CACNA1C: variants seen among roughly 807,000 people sequenced by gnomAD.
CACNA1C encodes calcium voltage-gated channel subunit alpha1 C, also known as voltage-dependent L-type calcium channel subunit alpha-1C.
In CACNA1C, 30 loss-of-function variants were observed where a neutral mutation model predicts 229.0. That is an observed-to-expected ratio of 0.13 (90% confidence interval 0.10 to 0.18). CACNA1C has a LOEUF of 0.18. Among genes scored for constraint, CACNA1C ranks in the 10% least tolerant of loss-of-function variants. The pLI, the probability that CACNA1C is intolerant of heterozygous loss-of-function variation, is 1.00. For missense variants in CACNA1C, 1,658 were observed against 2,845.0 expected (o/e 0.58, Z 9.49); for synonymous variants, 1,114 against 1,132.5 (o/e 0.98, Z 0.33).
In CACNA1C at chr12:2,597,371, A is replaced by T. The variant is rs2068857767; in HGVS notation, c.2853+82A>T. 6.7e-7 allele frequency: 1 copy of T among 1,499,588 alleles called. No individual in the cohort carries two copies. The allele number at this position is 1,499,588 out of a possible 1,614,324, so 92.9% of individuals were successfully genotyped here. A position where few individuals can be genotyped will look rare whatever the true frequency, so the allele number is the denominator to read the frequency against. The stretch of plus-strand genomic sequence containing the variant: ...CTGCCGCTGTCTGTCGCTAACACAC[A>T]TGCTCCTTCCTGTTGGTGTGGGGTT... On this transcript the variant is annotated intron_variant, in intron 21 of 46. Transcript: ENST00000399655. This position sits in a 1 kb window ranked among gnomAD's most constrained non-coding sequence, Gnocchi z 4.3.
intron 1 of CACNA1C, among the ~76,000 whole-genome samples, chr12:2,039,488 T>C (rs553998761): frequency 6.6e-6 from 1 of 152,352 alleles, no homozygotes; most frequent in African/African-American, 2.4e-5. Context: ...ATTCATCAGA[T>C]GTTTATTAAG....
chr12:2,186,707 A>G (rs574046465), intron 3 of CACNA1C, among the ~76,000 whole-genome samples: 3 of 152,306 alleles, frequency 2.0e-5, no homozygotes, highest in South Asian at 2.1e-4. Context: ...AGTGATTACT[A>G]TATGCCAGGT....
rs1266571584 is a variant in CACNA1C at position 2,346,353 on chromosome 12, T to C, written c.478-102623T>C. On this transcript the variant is annotated intron_variant, in intron 3 of 46. Transcript: ENST00000399655. This position sits in a 1 kb window ranked among gnomAD's most constrained non-coding sequence, Gnocchi z 4.4. Reference sequence around the variant, plus strand: ...TAATGTGTGTGTGTGCCTATGTATGTCTCTGTGTTTGTGTGTTTGTGTGTC... The same window carrying C: ...TAATGTGTGTGTGTGCCTATGTATGCCTCTGTGTTTGTGTGTTTGTGTGTC... Among the ~76,000 whole-genome samples the C allele has an allele frequency of 6.6e-6, 1 of 152,172 alleles. No homozygotes were observed. Among genetic ancestry groups the C allele is most frequent in the Non-Finnish European group, 1.5e-5 (1 of 68,016 alleles).
rs930038434 is a variant in CACNA1C at position 2,605,348 on chromosome 12, C to T, written c.3048+180C>T. On this transcript the variant is annotated intron_variant, in intron 23 of 46. Transcript: ENST00000399655. This position sits in a 1 kb window ranked among gnomAD's most constrained non-coding sequence, Gnocchi z 6.2. ...GTAATGAACAGAATAGTAACAGAGG[C>T]AGCCATCCCAAGTGTCTGCCCTAAG... is the stretch of plus-strand genomic sequence containing the variant. Among the ~76,000 whole-genome samples, 2 of 152,190 alleles carry T rather than the reference C, an allele frequency of 1.3e-5. No homozygotes were observed. The highest frequency in any genetic ancestry group is 4.8e-5 in the African/African-American group (2 of 41,438).
At chr12:2,315,124 C>T (rs896035485) in intron 3 of CACNA1C, among the ~76,000 whole-genome samples, 4 of 152,130 alleles carry the variant, frequency 2.6e-5, no homozygotes, top group Admixed American at 6.6e-5. Context: ...TCCTCTCTCC[C>T]GGGTCACACT....
In CACNA1C at chr12:2,502,166, A is replaced by C. The variant is rs981919461; in HGVS notation, c.1114-2676A>C. ...GCTTCCTTCTGCAGTTGCAGCTGCCAGCCTGCACTGTAGCTGCCTGGTCAT... is the reference window on the plus strand; with the variant it reads ...GCTTCCTTCTGCAGTTGCAGCTGCCCGCCTGCACTGTAGCTGCCTGGTCAT... On this transcript the variant is annotated intron_variant, in intron 7 of 46. Transcript: ENST00000399655. 2.0e-5 allele frequency among the ~76,000 whole-genome samples: 3 copies of C among 152,338 alleles called. No homozygotes were observed. The South Asian group carries it at 6.2e-4, about 32-fold the overall frequency.
At chr12:2,161,434 T>A (rs560674254) in intron 3 of CACNA1C, among the ~76,000 whole-genome samples, 29 of 152,260 alleles carry the variant, frequency 1.9e-4, no homozygotes, top group Non-Finnish European at 3.4e-4. Flanking sequence ...GCCCACTTTG[T>A]CATTTTGCTG....
intron 3 of CACNA1C, among the ~76,000 whole-genome samples, chr12:2,264,194 C>G (rs1453855915): frequency 6.6e-6 from 1 of 152,220 alleles, no homozygotes; most frequent in Non-Finnish European, 1.5e-5. Context: ...CTGGAATGGA[C>G]TCTCCTGTAT....
At chr12:2,642,219 T>A (rs1341240449) in intron 30 of CACNA1C, among the ~76,000 whole-genome samples, 1 of 152,206 alleles carries the variant, frequency 6.6e-6, no homozygotes, top group Non-Finnish European at 1.5e-5. Context: ...CAGGCTCCCC[T>A]TGCCCTCTGC....
chr12:2,105,579 A>C (rs963785482), intron 1 of CACNA1C, among the ~76,000 whole-genome samples: 2 of 150,918 alleles, frequency 1.3e-5, no homozygotes, highest in East Asian at 1.9e-4. Context: ...CTGGGCGCCC[A>C]CCCCGGGGAG....
Position 2,652,213 on chromosome 12 carries a change from T to G in CACNA1C, c.4074+445T>G, listed in dbSNP as rs373158164. On this transcript the variant is annotated intron_variant, in intron 32 of 46. Transcript: ENST00000399655. ...TCCCCGTAGGCGTTTCAGCAGCATC[T>G]GCTGACAGCACCTGTCATGTCCTCG... Among the ~76,000 whole-genome samples the G allele has an allele frequency of 7.9e-5, 12 of 152,318 alleles. No individual in the cohort carries two copies. The East Asian group carries it at 2.3e-3, about 29-fold the overall frequency.
chr12:2,265,742 G>T (rs1416733748), intron 3 of CACNA1C, among the ~76,000 whole-genome samples: 1 of 152,204 alleles, frequency 6.6e-6, no homozygotes, highest in Non-Finnish European at 1.5e-5. Context: ...GCTCCAGTGT[G>T]CTCCACCCCT....
chr12:2,378,448 AT>A (rs1399461544), intron 3 of CACNA1C, among the ~76,000 whole-genome samples: 1 of 152,216 alleles, frequency 6.6e-6, no homozygotes, highest in African/African-American at 2.4e-5. Flanking sequence ...GCCTGTCTTC[AT>A]TACCCATGAT....
chr12:2,353,186 A>G (rs1314412072), intron 3 of CACNA1C, among the ~76,000 whole-genome samples: 4 of 152,132 alleles, frequency 2.6e-5, no homozygotes, highest in Admixed American at 6.5e-5. Flanking sequence ...GTTGTCCTGG[A>G]GAAAGTGGCC....
intron 43 of CACNA1C, among the ~76,000 whole-genome samples, chr12:2,684,215 C>G (rs1356717741): frequency 6.6e-6 from 1 of 152,128 alleles, no homozygotes; most frequent in African/African-American, 2.4e-5. Context: ...AAAGAAGAAT[C>G]GAGTGAGTAA....
chr12:2,298,863 C>A (rs1263510794), intron 3 of CACNA1C, among the ~76,000 whole-genome samples: 1 of 152,182 alleles, frequency 6.6e-6, no homozygotes, highest in African/African-American at 2.4e-5. Flanking sequence ...CTGTGCCTGG[C>A]CACTCCAATC....
chr12:2,513,224 G>T (rs949234606), intron 9 of CACNA1C, among the ~76,000 whole-genome samples: 4 of 152,232 alleles, frequency 2.6e-5, no homozygotes, highest in African/African-American at 9.6e-5. Context: ...CACCTTGAAA[G>T]ACTGTTGAGA....
At chr12:1,993,326 G>T in intron 1 of CACNA1C, 1 of 1,614,054 alleles carries the variant, frequency 6.2e-7, no homozygotes, top group East Asian at 2.2e-5. Flanking sequence ...TTTAGTAATA[G>T]GTTCTGTCCT....
At chr12:2,117,838 C>T (rs1200550190) in intron 2 of CACNA1C, among the ~76,000 whole-genome samples, 1 of 152,180 alleles carries the variant, frequency 6.6e-6, no homozygotes, top group East Asian at 1.9e-4. Context: ...GGAAGGGGGC[C>T]CAGCCTTAGC....
Sources: gnomAD v4.1 joint callset for allele counts (sites outside exome capture counted in the v4.1 genomes callset) on GRCh38, gnomAD v4.1.1 for gene constraint, Gnocchi (gnomAD v3.1) non-coding constraint, MANE v1.5 for transcripts, NCBI Gene and HGNC (gene_info 2026-07-23, HGNC 2026-07-21) for gene names.